Variants in BRIP1 observed in about 807,000 individuals in gnomAD.
The protein encoded by BRIP1 is BRCA1 interacting DNA helicase 1.
In BRIP1, 88 loss-of-function variants were observed where a neutral mutation model predicts 119.7. The ratio of observed to expected loss-of-function variants is 0.74; its 90% CI spans 0.62 to 0.88. The LOEUF is 0.88. Ranked by LOEUF, BRIP1 falls within the 40% of genes least tolerant of loss-of-function variation. BRIP1 has a pLI of 0.00. For missense variants in BRIP1, 1,259 were observed against 1,455.4 expected (o/e 0.87, Z 2.20); for synonymous variants, 443 against 496.5 (o/e 0.89, Z 1.43).
rs2078512033 is a variant in BRIP1, at chr17:61,832,741, C to A, written c.627+14360G>T. Among the ~76,000 whole-genome samples the A allele has an allele frequency of 6.6e-6, 1 of 152,154 alleles. No homozygotes were observed. Among genetic ancestry groups the A allele is most frequent in the Non-Finnish European group, 1.5e-5 (1 of 68,012 alleles). On this transcript the variant is annotated intron_variant, in intron 6 of 19. Coordinates refer to ENST00000259008, the MANE Select transcript of BRIP1 (RefSeq NM_032043.3). The surrounding 1 kb of genome is among the most constrained non-coding windows in gnomAD (Gnocchi z 5.5). ...TGCAATGCATGGTTCTGACTGGATT[C>A]TTTTGCTTTTATAAAAGCGTTATTA... is the stretch of plus-strand genomic sequence containing the variant.
At chr17:61,721,971 T>C (rs867145957) in intron 16 of BRIP1, among the ~76,000 whole-genome samples, 1 of 151,624 alleles carries the variant, frequency 6.6e-6, no homozygotes, top group African/African-American at 2.4e-5. Flanking sequence ...TCAGGTGATC[T>C]GCCCACCTCA....
At chr17:61,787,457 A>G (rs546126261) in intron 10 of BRIP1, among the ~76,000 whole-genome samples, 32 of 134,584 alleles carry the variant, frequency 2.4e-4, no homozygotes, top group Admixed American at 1.3e-3. Context: ...ATATATAAAT[A>G]TATAATATAA....
intron 10 of BRIP1, among the ~76,000 whole-genome samples, chr17:61,787,362 TA>T (rs1218118225): frequency 5.4e-5 from 7 of 130,344 alleles, no homozygotes; most frequent in African/African-American, 2.1e-4. Context: ...TATATTAATA[TA>T]TTATATATAG....
intron 6 of BRIP1, among the ~76,000 whole-genome samples, chr17:61,837,481 T>C (rs1285301441): frequency 6.6e-6 from 1 of 152,122 alleles, no homozygotes; most frequent in African/African-American, 2.4e-5. Flanking sequence ...ATGCTACTGC[T>C]ACATTAAATC....
intron 10 of BRIP1, among the ~76,000 whole-genome samples, chr17:61,791,708 T>C (rs7213329): frequency 0.79 from 119,641 of 151,422 alleles, 47,858 homozygotes; most frequent in African/African-American, 0.89. Flanking sequence ...CCCTGCCCCA[T>C]GGAAGTACAG....
At chr17:61,773,675 C>T (rs541006296) in intron 14 of BRIP1, among the ~76,000 whole-genome samples, 1 of 151,390 alleles carries the variant, frequency 6.6e-6, no homozygotes, top group East Asian at 2.0e-4. Flanking sequence ...AAAATTTTTG[C>T]GATCTACCCA....
In BRIP1 at chr17:61,856,982, T is replaced by A; in HGVS notation, c.379+76A>T. On this transcript the variant is annotated intron_variant, in intron 4 of 19. Coordinates refer to ENST00000259008, the MANE Select transcript of BRIP1 (RefSeq NM_032043.3). The surrounding 1 kb of genome is among the most constrained non-coding windows in gnomAD (Gnocchi z 5.1). ...ATCAGTTATGCTAACCAAACTTATA[T>A]AAATTAGGGCTTATAACAGTAATAA... 2 of 1,424,420 alleles carry A rather than the reference T, an allele frequency of 1.4e-6. No homozygotes were observed. The highest frequency in any genetic ancestry group is 2.0e-6 in the Non-Finnish European group (2 of 1,008,736). The allele number at this position is 1,424,420 out of a possible 1,614,324, so 88.2% of individuals were successfully genotyped here. A position where few individuals can be genotyped will look rare whatever the true frequency, so the allele number is the denominator to read the frequency against.
chr17:61,764,155 C>T (rs187244356), intron 14 of BRIP1, among the ~76,000 whole-genome samples: 1 of 152,292 alleles, frequency 6.6e-6, no homozygotes, highest in African/African-American at 2.4e-5. Context: ...TTGCGCTGGC[C>T]TTACTCTAAT....
At chr17:61,836,074 T>C (rs2078567884) in intron 6 of BRIP1, among the ~76,000 whole-genome samples, 1 of 151,622 alleles carries the variant, frequency 6.6e-6, no homozygotes, top group Admixed American at 6.6e-5. Flanking sequence ...TTGGTTTTTA[T>C]AATGTTAAAG....
rs2076766020 is a variant in BRIP1 at position 61,726,355 on chromosome 17, C to A, written c.2380-10292G>T. Among the ~76,000 whole-genome samples the A allele has an allele frequency of 6.6e-6, 1 of 152,184 alleles. No individual in the cohort carries two copies. The highest frequency in any genetic ancestry group is 1.5e-5 in the Non-Finnish European group (1 of 68,040). ...AAGTGGACGAGAAAGTCATTACTTA[C>A]CCCATATTTCTGAAACCCAGTGTAG... On this transcript the variant is annotated intron_variant, in intron 16 of 19. Transcript: ENST00000259008. The surrounding 1 kb of genome is among the most constrained non-coding windows in gnomAD (Gnocchi z 6.2).
At chr17:61,694,504 G>A (rs1567738651) in intron 17 of BRIP1, among the ~76,000 whole-genome samples, 1 of 152,026 alleles carries the variant, frequency 6.6e-6, no homozygotes, top group Non-Finnish European at 1.5e-5. Flanking sequence ...GTTTTTATAT[G>A]AATACATGTT....
At chr17:61,840,645 AG>A (rs1338727482) in intron 6 of BRIP1, among the ~76,000 whole-genome samples, 1 of 152,148 alleles carries the variant, frequency 6.6e-6, no homozygotes. Context: ...AATGAAAATA[AG>A]AACTACATAT....
Position 61,793,729 on chromosome 17 carries a change from A to G in BRIP1, c.1341T>C (p.Asn447=). The stretch of plus-strand genomic sequence containing the variant: ...GATATTCAGCGTTTGCTTCTAACCA[A>G]CTGAAATAAAATAAAACAATTGTGT... ...PLRAVCCSLI[N]WLEANAEYLV... The change falls in exon 10 of 20, where the codon AAT becomes AAC. Residue 447 remains asparagine, a splice_region_variant and synonymous_variant. Coordinates refer to ENST00000259008, the MANE Select transcript of BRIP1 (RefSeq NM_032043.3). This position sits in a 1 kb window ranked among gnomAD's most constrained non-coding sequence, Gnocchi z 5.2. The G allele has an allele frequency of 6.2e-7, 1 of 1,608,990 alleles. No individual in the cohort carries two copies. Among genetic ancestry groups the G allele is most frequent in the East Asian group, 2.2e-5 (1 of 44,682 alleles).
intron 10 of BRIP1, among the ~76,000 whole-genome samples, chr17:61,785,761 C>T (rs1374538681): frequency 2.0e-5 from 3 of 152,108 alleles, no homozygotes; most frequent in African/African-American, 7.2e-5. Flanking sequence ...TTCTCCAACA[C>T]TGGCAGAACA....
In BRIP1 at chr17:61,769,390, T is replaced by C. The variant is rs979735203; in HGVS notation, c.2097+7011A>G. On this transcript the variant is annotated intron_variant, in intron 14 of 19. Coordinates refer to ENST00000259008, the MANE Select transcript of BRIP1 (RefSeq NM_032043.3). The surrounding 1 kb of genome is among the most constrained non-coding windows in gnomAD (Gnocchi z 4.9). ...CATGTCCCCCTGAAATGAATTCTAA[T>C]GTAGGCTTTCTGTCTTCTGCATGGT... Among the ~76,000 whole-genome samples the C allele has an allele frequency of 6.6e-6, 1 of 152,198 alleles. No homozygotes were observed. The highest frequency in any genetic ancestry group is 2.1e-4 in the South Asian group (1 of 4,834).
Position 61,767,593 on chromosome 17 carries a change from C to T in BRIP1, c.2097+8808G>A, listed in dbSNP as rs1337149235. Among the ~76,000 whole-genome samples, 1 of 151,904 alleles carries T rather than the reference C, an allele frequency of 6.6e-6. No individual in the cohort carries two copies. Among genetic ancestry groups the T allele is most frequent in the Admixed American group, 6.6e-5 (1 of 15,224 alleles). ...CTAGACTTCTACCATATGTTTCTTT[C>T]TTTCTTTTTGATTTTTAGTAGAGAT... On this transcript the variant is annotated intron_variant, in intron 14 of 19. Coordinates refer to ENST00000259008, the MANE Select transcript of BRIP1 (RefSeq NM_032043.3). The surrounding 1 kb of genome is among the most constrained non-coding windows in gnomAD (Gnocchi z 5.7).
In BRIP1 at chr17:61,753,431, T is replaced by C. The variant is rs928051370; in HGVS notation, c.2098-8840A>G. On this transcript the variant is annotated intron_variant, in intron 14 of 19. Coordinates refer to ENST00000259008, the MANE Select transcript of BRIP1 (RefSeq NM_032043.3). The surrounding 1 kb of genome is among the most constrained non-coding windows in gnomAD (Gnocchi z 4.6). The stretch of plus-strand genomic sequence containing the variant: ...AGATATCCAAATGGAAATGTTGATA[T>C]GGCAGTTGGGTATATGGGCATAGTA... Among the ~76,000 whole-genome samples the C allele has an allele frequency of 6.6e-6, 1 of 152,138 alleles. No homozygotes were observed. The highest frequency in any genetic ancestry group is 1.5e-5 in the Non-Finnish European group (1 of 68,024).
At position 61,816,757 on chromosome 17, in the gene BRIP1, AG is replaced by A. The variant is rs2078242869; in HGVS notation, c.628-8001del. ...CCCAGGGTGTTTATAAAAAATAAAA[AG>A]GGGAAAAAGAAGACTCAAACGAGCA... On this transcript the variant is annotated intron_variant, in intron 6 of 19. Transcript: ENST00000259008. The surrounding 1 kb of genome is among the most constrained non-coding windows in gnomAD (Gnocchi z 5.0). Among the ~76,000 whole-genome samples the A allele has an allele frequency of 1.8e-5, 1 of 54,218 alleles. No individual in the cohort carries two copies. Among genetic ancestry groups the A allele is most frequent in the South Asian group, 6.0e-4 (1 of 1,654 alleles). The allele number at this position is 54,218 out of a possible 152,430, so 35.6% of individuals were successfully genotyped here.
Position 61,776,239 on chromosome 17 carries a change from C to A in BRIP1, c.2097+162G>T, listed in dbSNP as rs2077530497. The A allele has an allele frequency of 5.1e-6, 4 of 782,522 alleles. No individual in the cohort carries two copies. In the South Asian group the frequency reaches 5.5e-5, roughly 11 times the overall value. 48.5% of individuals were successfully genotyped at this position (782,522 alleles called of 1,614,324 possible). On this transcript the variant is annotated intron_variant, in intron 14 of 19. Coordinates refer to ENST00000259008, the MANE Select transcript of BRIP1 (RefSeq NM_032043.3). This position sits in a 1 kb window ranked among gnomAD's most constrained non-coding sequence, Gnocchi z 5.0. Reference sequence around the variant, plus strand: ...TAGGACAATCAGGCAGTATCTTAATCAAAAAATAAGTAAAATAATATGTGA... The same window carrying A: ...TAGGACAATCAGGCAGTATCTTAATAAAAAAATAAGTAAAATAATATGTGA...
Sources: allele counts gnomAD v4.1 joint callset (sites outside exome capture counted in the v4.1 genomes callset), GRCh38; gene constraint gnomAD v4.1.1; non-coding constraint Gnocchi (gnomAD v3.1); transcripts MANE v1.5; gene names NCBI Gene and HGNC (gene_info 2026-07-23, HGNC 2026-07-21).